The following GYS2 variants were observed in gnomAD, a reference collection of about 807,000 sequenced individuals.
GYS2 encodes glycogen [starch] synthase, liver.
A neutral mutation model predicts 85.6 loss-of-function variants in GYS2; 80 were observed. That is an observed-to-expected ratio of 0.93 (90% CI 0.78 to 1.13). The LOEUF is 1.13. GYS2 is among the 50% of genes most tolerant of loss of function. GYS2 has a pLI of 0.00. For synonymous variants in GYS2, 328 were observed against 300.7 expected, an observed-to-expected ratio of 1.09 and a Z score of -0.94; for missense variants, 881 against 854.9, an observed-to-expected ratio of 1.03 and a Z score of -0.38.
rs1280043946 is a variant in GYS2, at chr12:21,568,827, C to T, written c.823+38G>A. 3.8e-6 allele frequency: 6 copies of T among 1,581,270 alleles called. No homozygotes were observed. In the Middle Eastern group the frequency reaches 5.0e-4, roughly 132 times the overall value. On this transcript the variant is annotated intron_variant, in intron 5 of 15. Transcript: ENST00000261195. Reference sequence around the variant, plus strand: ...AAAATCCTCATAGTGTAACATCATTCGGAACTGAAAGATAGGTGATCCAGG... The same window carrying T: ...AAAATCCTCATAGTGTAACATCATTTGGAACTGAAAGATAGGTGATCCAGG...
At chr12:21,539,144 A>G (rs1943943247) in intron 15 of GYS2, 114 bp downstream of exon 15, 2 of 701,550 alleles carry the variant, frequency 2.9e-6, no homozygotes, top group African/African-American at 3.6e-5. Context: ...GTTTGATTCA[A>G]CATTATGAAA....
chr12:21,542,654 A>G, intron 12 of GYS2, 63 bp from the exon 13 acceptor site: 4 of 1,051,604 alleles, frequency 3.8e-6, no homozygotes, highest in Admixed American at 3.5e-5. Context: ...GTATGCACTC[A>G]GAGGAGGAAA....
chr12:21,555,301 A>AT (rs1944165263), intron 11 of GYS2, among the ~76,000 whole-genome samples: 1 of 152,004 alleles, frequency 6.6e-6, no homozygotes, highest in Non-Finnish European at 1.5e-5. Flanking sequence ...TAAGGGATAG[A>AT]TTTTTCTATC....
Position 21,578,714 on chromosome 12 carries a change from C to A in GYS2, c.303+1628G>T, listed in dbSNP as rs144600303. ...TAGTATTTGCATTTATCTTTTTTTC[C>A]TTTTTTGAGTGAGACAAGCGAAAAA... On this transcript the variant is annotated intron_variant, in intron 2 of 15. Coordinates refer to ENST00000261195, the MANE Select transcript of GYS2 (RefSeq NM_021957.4). Among the ~76,000 whole-genome samples the A allele has an allele frequency of 9.9e-5, 15 of 151,954 alleles. No individual in the cohort carries two copies. The East Asian group carries it at 2.7e-3, about 27-fold the overall frequency.
intron 1 of GYS2, among the ~76,000 whole-genome samples, chr12:21,589,253 C>T (rs1944607996): frequency 6.6e-6 from 1 of 152,020 alleles, no homozygotes; most frequent in Admixed American, 6.6e-5. Flanking sequence ...AATAGAGATT[C>T]TTTATTTGAA....
chr12:21,561,094 G>A (rs1324856199), intron 7 of GYS2, among the ~76,000 whole-genome samples: 1 of 152,098 alleles, frequency 6.6e-6, no homozygotes, highest in African/African-American at 2.4e-5. Flanking sequence ...GCACTTTTGG[G>A]ATAGCAGACA....
chr12:21,579,349 C>CT (rs58750123), intron 2 of GYS2, among the ~76,000 whole-genome samples: 13 of 88,674 alleles, frequency 1.5e-4, no homozygotes, highest in African/African-American at 3.7e-4. Flanking sequence ...CTTACTTCTT[C>CT]TTTTTTTTTT....
downstream of GYS2, chr12:21,533,094 AACAC>A (rs60638563): frequency 6.6e-6 from 1 of 151,956 alleles, no homozygotes; most frequent in South Asian, 2.1e-4. Flanking sequence ...TTCTGGCTTC[AACAC>A]ACAGATACAT....
intron 11 of GYS2, among the ~76,000 whole-genome samples, chr12:21,549,026 T>C (rs1944074918): frequency 6.6e-6 from 1 of 152,004 alleles, no homozygotes; most frequent in African/African-American, 2.4e-5. Context: ...AAGAAAGTAA[T>C]GGAAAAATAT....
chr12:21,557,835 C>T (rs1430756993), intron 11 of GYS2, among the ~76,000 whole-genome samples: 2 of 151,934 alleles, frequency 1.3e-5, no homozygotes, highest in African/African-American at 4.8e-5. Context: ...GGAGGCGGAG[C>T]TTGCAGTGAG....
chr12:21,582,606 T>G (rs201634308), intron 1 of GYS2, among the ~76,000 whole-genome samples: 7 of 55,206 alleles, frequency 1.3e-4, no homozygotes, highest in East Asian at 2.8e-4. Flanking sequence ...TAGATATAGA[T>G]ATAGATATAG....
At chr12:21,573,223 AT>A (rs1944406236) in intron 4 of GYS2, among the ~76,000 whole-genome samples, 1 of 152,186 alleles carries the variant, frequency 6.6e-6, no homozygotes, top group Non-Finnish European at 1.5e-5. Flanking sequence ...TTTGAGTATT[AT>A]TTGTGTATTA....
At chr12:21,580,630 T>C in intron 1 of GYS2, 107 bp from the exon 2 acceptor site, 1 of 842,810 alleles carries the variant, frequency 1.2e-6, no homozygotes, top group African/African-American at 1.7e-5. Flanking sequence ...TAGGATCCAC[T>C]AAGCCCAAGG....
intron 4 of GYS2, among the ~76,000 whole-genome samples, chr12:21,570,902 T>G (rs1944377667): frequency 6.6e-6 from 1 of 152,226 alleles, no homozygotes; most frequent in Non-Finnish European, 1.5e-5. Context: ...ATGTTTTCTA[T>G]CCCATTGAGT....
chr12:21,589,497 C>T (rs936325922), intron 1 of GYS2, among the ~76,000 whole-genome samples: 2 of 152,090 alleles, frequency 1.3e-5, no homozygotes, highest in Non-Finnish European at 2.9e-5. Context: ...ACCTCCTCCA[C>T]AAAGAACCAA....
intron 5 of GYS2, among the ~76,000 whole-genome samples, chr12:21,567,966 G>A (rs1038366466): frequency 1.3e-5 from 2 of 151,670 alleles, no homozygotes; most frequent in Non-Finnish European, 1.5e-5. Context: ...CCAGCTACTC[G>A]AGAGGCTGAG....
intron 1 of GYS2, among the ~76,000 whole-genome samples, chr12:21,604,216 T>C (rs112952494): frequency 8.5e-5 from 13 of 152,282 alleles, no homozygotes; most frequent in African/African-American, 2.6e-4. Context: ...GGATTTTAAA[T>C]TTTAATTTAA....
chr12:21,576,489 T>C (rs758968773), intron 2 of GYS2, among the ~76,000 whole-genome samples: 1 of 152,158 alleles, frequency 6.6e-6, no homozygotes, highest in Non-Finnish European at 1.5e-5. Flanking sequence ...CTAACAATAT[T>C]TCCTGCTAGA....
chr12:21,572,205 C>T (rs1944394950), intron 4 of GYS2, among the ~76,000 whole-genome samples: 1 of 152,030 alleles, frequency 6.6e-6, no homozygotes, highest in African/African-American at 2.4e-5. Flanking sequence ...AAAACTTAAA[C>T]CAGCGTTAGA....
Sources: allele counts gnomAD v4.1 joint callset (sites outside exome capture counted in the v4.1 genomes callset), GRCh38; gene constraint gnomAD v4.1.1; transcripts MANE v1.5; gene names NCBI Gene and HGNC (gene_info 2026-07-23, HGNC 2026-07-21).